Variants in IGSF10 observed in about 807,000 individuals in gnomAD.
IGSF10 encodes the protein calvaria mechanical force protein 608.
In IGSF10, 126 loss-of-function variants were observed where a neutral mutation model predicts 128.2. That is an observed-to-expected ratio of 0.98 (90% CI 0.85 to 1.14). IGSF10 has a LOEUF of 1.14. Among genes scored for constraint, IGSF10 ranks in the 50% most tolerant of loss-of-function variants. IGSF10 has a pLI of 0.00. For missense variants in IGSF10, 3,295 were observed against 3,149.8 expected (o/e 1.05, Z -1.10); for synonymous variants, 1,185 against 1,146.2 (o/e 1.03, Z -0.68).
Position 151,446,397 on chromosome 3 carries a change from A to G in IGSF10, c.3584T>C (p.Ile1195Thr). Residue 1195 changes from isoleucine to threonine, a missense_variant, in exon 6 of 8, where the codon ATT (isoleucine) becomes ACT (threonine). Ile to Thr is a moderately conservative substitution (Grantham distance 89). Transcript: ENST00000282466. ...ITKPPMTIIA[I>T]TRFSRRKIPW... ...AATTTTCCTTCTTGAAAACCTTGTA[A>G]TGGCTATAATAGTCATTGGTGGCTT... 1.2e-6 allele frequency: 2 copies of G among 1,613,490 alleles called. No homozygotes were observed. The highest frequency in any genetic ancestry group is 1.7e-6 in the Non-Finnish European group (2 of 1,179,472).
chr3:151,609,376 AGTTACCCG>A, the IGSF10 span, among the ~76,000 whole-genome samples: 1 of 152,202 alleles, frequency 6.6e-6, no homozygotes. Context: ...TAATCAGGTA[AGTTACCCG>A]ATCTTCTGTA....
At chr3:151,499,942 T>A in the IGSF10 span, 1 of 152,158 alleles carries the variant, frequency 6.6e-6, no homozygotes, top group South Asian at 2.1e-4. Flanking sequence ...TGGTTGAAGT[T>A]ATACTATTTG....
the IGSF10 span, among the ~76,000 whole-genome samples, chr3:151,596,031 T>A: frequency 6.6e-6 from 1 of 152,142 alleles, no homozygotes; most frequent in African/African-American, 2.4e-5. Flanking sequence ...TGACTGTTGT[T>A]ACCATTTCAC....
chr3:151,502,882 T>C, the IGSF10 span, among the ~76,000 whole-genome samples: 2 of 152,130 alleles, frequency 1.3e-5, no homozygotes, highest in African/African-American at 2.4e-5. Flanking sequence ...TGAGAGCTTT[T>C]GTGGCCTTAG....
chr3:151,451,362 C>CTA (rs537350403), intron 5 of IGSF10, among the ~76,000 whole-genome samples: 32 of 152,266 alleles, frequency 2.1e-4, no homozygotes, highest in South Asian at 1.5e-3. Context: ...TTCTTATATC[C>CTA]TACTTTTTCA....
chr3:151,569,281 AG>A, the IGSF10 span, among the ~76,000 whole-genome samples: 1 of 152,160 alleles, frequency 6.6e-6, no homozygotes, highest in African/African-American at 2.4e-5. Flanking sequence ...CATGTTGGCC[AG>A]GCTGGTCTTG....
the IGSF10 span, among the ~76,000 whole-genome samples, chr3:151,583,174 T>A: frequency 6.6e-6 from 1 of 151,968 alleles, no homozygotes; most frequent in South Asian, 2.1e-4. Context: ...CTTTATTATT[T>A]ATTCTCTTTA....
chr3:151,569,391 A>G, the IGSF10 span, among the ~76,000 whole-genome samples: 1 of 152,062 alleles, frequency 6.6e-6, no homozygotes, highest in Admixed American at 6.5e-5. Flanking sequence ...TTTGAATATC[A>G]CTTGTGTGCC....
the IGSF10 span, among the ~76,000 whole-genome samples, chr3:151,494,193 T>C: frequency 4.6e-5 from 7 of 152,078 alleles, no homozygotes. Flanking sequence ...GGATTCCAAA[T>C]TTTCAGAAGT....
chr3:151,541,665 T>C, the IGSF10 span, among the ~76,000 whole-genome samples: 1 of 152,206 alleles, frequency 6.6e-6, no homozygotes, highest in Non-Finnish European at 1.5e-5. Flanking sequence ...CTCTATTTTT[T>C]ATTATTTCAT....
chr3:151,483,810 C>T, the IGSF10 span, among the ~76,000 whole-genome samples: 1 of 152,318 alleles, frequency 6.6e-6, no homozygotes, highest in South Asian at 2.1e-4. Context: ...AACCTGCAGA[C>T]CAGGAGATTC....
chr3:151,518,272 G>T, the IGSF10 span, among the ~76,000 whole-genome samples: 3 of 151,930 alleles, frequency 2.0e-5, no homozygotes. Context: ...TAACCAATCT[G>T]GTTATTTCTG....
the IGSF10 span, among the ~76,000 whole-genome samples, chr3:151,543,424 A>G: frequency 6.6e-6 from 1 of 152,148 alleles, no homozygotes; most frequent in Non-Finnish European, 1.5e-5. Context: ...GCAGCTGCAC[A>G]GCTGGCTCTC....
At position 151,448,272 on chromosome 3, in the gene IGSF10, T is replaced by C; in HGVS notation, c.1709A>G (p.Glu570Gly). The change falls in exon 6 of 8, where the codon GAA (glutamate) becomes GGA (glycine). Residue 570 changes from glutamate (E) to glycine (G), a missense_variant. Transcript: ENST00000282466. Reference protein sequence around the residue: ...DILTYRITVVEPLVEAYQENG... With the variant: ...DILTYRITVVGPLVEAYQENG... ...TTCCTGATAGGCTTCGACCAAAGGT[T>C]CTACCACAGTTATCCTATAGGTGAG... 1 of 1,614,256 alleles carries C rather than the reference T, an allele frequency of 6.2e-7. No homozygotes were observed. The highest frequency in any genetic ancestry group is 8.5e-7 in the Non-Finnish European group (1 of 1,180,038).
At position 151,443,818 on chromosome 3, in the gene IGSF10, A is replaced by G; in HGVS notation, c.5129T>C (p.Ile1710Thr). The G allele has an allele frequency of 6.2e-7, 1 of 1,613,790 alleles. No individual in the cohort carries two copies. Among genetic ancestry groups the G allele is most frequent in the Non-Finnish European group, 8.5e-7 (1 of 1,179,670 alleles). ...VQVLPNGTLSIQRVEIQDRGQ... is the reference protein window; with the variant it reads ...VQVLPNGTLSTQRVEIQDRGQ... ...GCGGTCCTGAATTTCCACCCTCTGG[A>G]TGGACAGGGTACCATTGGGGAGAAC... Residue 1710 changes from isoleucine (I) to threonine (T), a missense_variant, in exon 7 of 8, where the codon ATC becomes ACC. Ile to Thr is a moderately conservative substitution (Grantham distance 89, BLOSUM62 -1). Coordinates refer to ENST00000282466, the MANE Select transcript of IGSF10 (RefSeq NM_178822.5).
At chr3:151,539,937 G>A in the IGSF10 span, among the ~76,000 whole-genome samples, 1 of 152,120 alleles carries the variant, frequency 6.6e-6, no homozygotes. Flanking sequence ...GAGGGAATTT[G>A]TAGTGAGAGG....
chr3:151,458,511 C>T lies in IGSF10; in HGVS notation c.194+5G>A. The T allele has an allele frequency of 6.2e-7, 1 of 1,605,832 alleles. No homozygotes were observed. Among genetic ancestry groups the T allele is most frequent in the Non-Finnish European group, 8.5e-7 (1 of 1,174,730 alleles). On this transcript the variant is annotated splice_donor_5th_base_variant and intron_variant, in intron 3 of 7. Transcript: ENST00000282466. ...TGAGAAGAGGAAACATGAGGTCTCA[C>T]ACACCCTAAATTGATGCGTTCCACA...
downstream of IGSF10, chr3:151,434,631 T>TATC (rs1461759501): frequency 6.6e-6 from 1 of 152,242 alleles, no homozygotes; most frequent in Non-Finnish European, 1.5e-5. Flanking sequence ...CAAAGTAATA[T>TATC]ATCTATATAA....
chr3:151,461,822 C>T (rs1174385981), upstream of IGSF10, among the ~76,000 whole-genome samples: 2 of 152,146 alleles, frequency 1.3e-5, no homozygotes, highest in South Asian at 2.1e-4. Flanking sequence ...TAAGTGAGAT[C>T]ATACACTATT....
Sources: gnomAD v4.1 joint callset for allele counts (sites outside exome capture counted in the v4.1 genomes callset) on GRCh38, gnomAD v4.1.1 for gene constraint, MANE v1.5 for transcripts, NCBI Gene and HGNC (gene_info 2026-07-23, HGNC 2026-07-21) for gene names.